Variants in RSRC1 observed in about 807,000 individuals in gnomAD.
RSRC1 encodes serine/Arginine-related protein 53.
A neutral mutation model predicts 49.1 loss-of-function variants in RSRC1; 39 were observed. The observed-to-expected ratio is 0.79, with a 90% CI of 0.61 to 1.04. RSRC1 has a LOEUF of 1.04. RSRC1 is among the 50% of genes least tolerant of loss of function. The probability of loss-of-function intolerance (pLI) is 0.00; values close to 1 mark genes in which losing one functional copy is unlikely to be tolerated. For synonymous variants in RSRC1, 143 were observed against 130.8 expected (o/e 1.09, Z -0.63); for missense variants, 388 against 402.4 (o/e 0.96, Z 0.31).
intron 4 of RSRC1, among the ~76,000 whole-genome samples, chr3:158,221,446 T>TA (rs1189892847): frequency 1.3e-5 from 2 of 151,546 alleles, no homozygotes; most frequent in Non-Finnish European, 3.0e-5. Flanking sequence ...TGCTGCTTCC[T>TA]AATTTCATTA....
chr3:158,516,425 G>T (rs893926502), intron 7 of RSRC1, among the ~76,000 whole-genome samples: 21 of 152,078 alleles, frequency 1.4e-4, no homozygotes, highest in African/African-American at 5.1e-4. Context: ...CAGGGGTCAG[G>T]GACCCACTTG....
chr3:158,202,639 A>G (rs566075743), intron 3 of RSRC1, among the ~76,000 whole-genome samples: 5 of 146,790 alleles, frequency 3.4e-5, no homozygotes, highest in African/African-American at 1.3e-4. Flanking sequence ...TTTTACTGTA[A>G]TGCATTTAAT....
At chr3:158,462,919 A>G (rs1438770281) in intron 7 of RSRC1, among the ~76,000 whole-genome samples, 2 of 152,032 alleles carry the variant, frequency 1.3e-5, no homozygotes, top group East Asian at 3.8e-4. Context: ...TTTAATTAGC[A>G]TCTTTAAAAA....
chr3:158,415,239 G>GT (rs1377551508), intron 6 of RSRC1, among the ~76,000 whole-genome samples: 1 of 152,082 alleles, frequency 6.6e-6, no homozygotes, highest in Non-Finnish European at 1.5e-5. Context: ...GATGGGGTTT[G>GT]AGAAGTTGTC....
intron 6 of RSRC1, among the ~76,000 whole-genome samples, chr3:158,450,208 G>T (rs1264150291): frequency 6.6e-6 from 1 of 151,826 alleles, no homozygotes; most frequent in Non-Finnish European, 1.5e-5. Context: ...TTTATGCTTT[G>T]TAAATCTGTT....
At chr3:158,222,758 A>G (rs1283717235) in intron 4 of RSRC1, among the ~76,000 whole-genome samples, 1 of 151,464 alleles carries the variant, frequency 6.6e-6, no homozygotes, top group Non-Finnish European at 1.5e-5. Context: ...TTTCTGTGTC[A>G]ATGGAAGAAA....
chr3:158,356,334 A>G (rs1731156668), intron 6 of RSRC1, among the ~76,000 whole-genome samples: 1 of 152,100 alleles, frequency 6.6e-6, no homozygotes, highest in Non-Finnish European at 1.5e-5. Context: ...TATTGATTAA[A>G]GGATCTCTTG....
At chr3:158,405,979 T>C (rs562467217) in intron 6 of RSRC1, among the ~76,000 whole-genome samples, 1 of 152,272 alleles carries the variant, frequency 6.6e-6, no homozygotes, top group Non-Finnish European at 1.5e-5. Flanking sequence ...TGAAAATTTA[T>C]GTCAATAAGC....
At chr3:158,158,146 T>A (rs1578144802) in intron 3 of RSRC1, among the ~76,000 whole-genome samples, 1 of 152,358 alleles carries the variant, frequency 6.6e-6, no homozygotes, top group East Asian at 1.9e-4. Flanking sequence ...ATCTTACTTT[T>A]GCTTTCCATG....
intron 5 of RSRC1, among the ~76,000 whole-genome samples, chr3:158,335,170 T>C (rs1729813459): frequency 6.6e-6 from 1 of 152,210 alleles, no homozygotes; most frequent in Non-Finnish European, 1.5e-5. Context: ...GGTGGCAGTC[T>C]GTAGCATTTT....
intron 5 of RSRC1, among the ~76,000 whole-genome samples, chr3:158,337,320 G>A (rs1368961145): frequency 2.0e-5 from 3 of 152,252 alleles, no homozygotes; most frequent in African/African-American, 7.2e-5. Flanking sequence ...CATGTGATCC[G>A]TTTTTTCTGT....
chr3:158,134,556 C>T (rs1225041181), intron 3 of RSRC1, among the ~76,000 whole-genome samples: 2 of 152,152 alleles, frequency 1.3e-5, no homozygotes, highest in East Asian at 1.9e-4. Flanking sequence ...ATGAAAGATG[C>T]CTGACAGATG....
At chr3:158,223,135 T>C (rs1278582432) in intron 4 of RSRC1, among the ~76,000 whole-genome samples, 1 of 151,678 alleles carries the variant, frequency 6.6e-6, no homozygotes, top group East Asian at 1.9e-4. Flanking sequence ...TTCAGCACAG[T>C]CCATTACTCA....
chr3:158,315,481 A>G (rs935415193), intron 5 of RSRC1, among the ~76,000 whole-genome samples: 9 of 152,308 alleles, frequency 5.9e-5, no homozygotes, highest in African/African-American at 1.9e-4. Flanking sequence ...GATTTGTTCA[A>G]GATCCCACAG....
At position 158,545,233 on chromosome 3, in the gene RSRC1, G is replaced by A. The variant is rs1446651399; in HGVS notation, c.*958G>A. On this transcript the variant is annotated 3_prime_UTR_variant, in exon 10 of 10. Transcript: ENST00000611884. ...TTTTTTTTTTTTGAGACGGAGTCTC[G>A]CTCTATCCCCCATGCTGGAGTGCAG... The A allele has an allele frequency of 2.7e-5, 2 of 74,756 alleles. No homozygotes were observed. The highest frequency in any genetic ancestry group is 8.6e-5 in the African/African-American group (2 of 23,350). 4.6% of individuals were successfully genotyped at this position (74,756 alleles called of 1,614,324 possible). A position where few individuals can be genotyped will look rare whatever the true frequency, so the allele number is the denominator to read the frequency against.
intron 7 of RSRC1, among the ~76,000 whole-genome samples, chr3:158,525,180 C>T (rs191749204): frequency 3.3e-5 from 5 of 151,970 alleles, no homozygotes; most frequent in East Asian, 3.9e-4. Flanking sequence ...TAACAAAGGA[C>T]TTCAATTCCG....
At chr3:158,345,758 C>CAT (rs1233029082) in intron 5 of RSRC1, among the ~76,000 whole-genome samples, 5 of 136,844 alleles carry the variant, frequency 3.7e-5, no homozygotes, top group Non-Finnish European at 6.5e-5. Flanking sequence ...AGAGACTCAT[C>CAT]ATATATATGT....
intron 7 of RSRC1, among the ~76,000 whole-genome samples, chr3:158,498,275 T>C (rs1347754649): frequency 6.6e-6 from 1 of 151,844 alleles, no homozygotes; most frequent in Non-Finnish European, 1.5e-5. Context: ...AGTAAAGTAG[T>C]GTTGCACTGT....
intron 3 of RSRC1, among the ~76,000 whole-genome samples, chr3:158,146,653 T>G (rs1717144048): frequency 6.6e-6 from 1 of 152,192 alleles, no homozygotes; most frequent in Non-Finnish European, 1.5e-5. Flanking sequence ...TAAAATGAGT[T>G]AGGCAGGATT....
Sources: gnomAD v4.1 joint callset for allele counts (sites outside exome capture counted in the v4.1 genomes callset) on GRCh38, gnomAD v4.1.1 for gene constraint, MANE v1.5 for transcripts, NCBI Gene and HGNC (gene_info 2026-07-23, HGNC 2026-07-21) for gene names.